The following ZNF280B variants were observed in gnomAD, a reference collection of about 807,000 sequenced individuals.
ZNF280B encodes the protein suppressor of hairy wing homolog 2.
In ZNF280B, 16 loss-of-function variants were observed where a neutral mutation model predicts 38.0. The ratio of observed to expected loss-of-function variants is 0.42; its 90% confidence interval spans 0.28 to 0.64. The LOEUF is 0.64. Ranked by LOEUF, ZNF280B falls within the 30% of genes least tolerant of loss-of-function variation. The probability of loss-of-function intolerance (pLI) is 0.21; values close to 1 mark genes in which losing one functional copy is unlikely to be tolerated. For missense variants in ZNF280B, 581 were observed against 639.6 expected (o/e 0.91, Z 0.99); for synonymous variants, 253 against 230.6 (o/e 1.10, Z -0.88).
At chr22:22,500,535 G>A (rs1232178804) in intron 2 of ZNF280B, among the ~76,000 whole-genome samples, 1 of 151,674 alleles carries the variant, frequency 6.6e-6, no homozygotes, top group Non-Finnish European at 1.5e-5. Context: ...CCTATATGAG[G>A]TAACTAAAAT....
intron 2 of ZNF280B, among the ~76,000 whole-genome samples, chr22:22,504,215 C>G (rs1258496613): frequency 6.6e-6 from 1 of 151,812 alleles, no homozygotes; most frequent in Non-Finnish European, 1.5e-5. Context: ...AGGTGGCTCA[C>G]GAGGCCAGGA....
intron 2 of ZNF280B, among the ~76,000 whole-genome samples, chr22:22,500,528 A>T (rs1443227309): frequency 6.6e-6 from 1 of 151,884 alleles, no homozygotes; most frequent in Non-Finnish European, 1.5e-5. Flanking sequence ...AATTCCACCT[A>T]TATGAGGTAA....
At chr22:22,503,530 C>T (rs1051000515) in intron 2 of ZNF280B, among the ~76,000 whole-genome samples, 2 of 151,880 alleles carry the variant, frequency 1.3e-5, no homozygotes, top group Admixed American at 6.6e-5. Flanking sequence ...GCTCATCTAG[C>T]GAACAAAAAG....
intron 2 of ZNF280B, among the ~76,000 whole-genome samples, chr22:22,499,218 C>T (rs1473393091): frequency 6.6e-6 from 1 of 151,836 alleles, no homozygotes; most frequent in Non-Finnish European, 1.5e-5. Flanking sequence ...AAGGATGGTT[C>T]ATTCTATGAA....
At position 22,508,641 on chromosome 22, in the gene ZNF280B, C is replaced by T. The variant is rs1475093988; in HGVS notation, c.-248+18G>A. On this transcript the variant is annotated intron_variant, in intron 1 of 3. Transcript: ENST00000626650. Reference sequence around the variant, plus strand: ...CCCCTCAGGGAACGCTGAAGCCGCGCCACGCCCCCGTCCTTACCAGTCCGG... The same window carrying T: ...CCCCTCAGGGAACGCTGAAGCCGCGTCACGCCCCCGTCCTTACCAGTCCGG... 6.6e-6 allele frequency: 1 copy of T among 152,062 alleles called. No homozygotes were observed. The highest frequency in any genetic ancestry group is 2.4e-5 in the African/African-American group (1 of 41,412). 9.4% of individuals were successfully genotyped at this position (152,062 alleles called of 1,614,324 possible). A position where few individuals can be genotyped will look rare whatever the true frequency, so the allele number is the denominator to read the frequency against.
At chr22:22,490,289 G>C (rs9611831) in intron 3 of ZNF280B, among the ~76,000 whole-genome samples, 16 of 151,638 alleles carry the variant, frequency 1.1e-4, no homozygotes, top group African/African-American at 3.9e-4. Context: ...AAGTCAGACT[G>C]TATCATTGTT....
intron 3 of ZNF280B, among the ~76,000 whole-genome samples, chr22:22,491,648 CG>C (rs2061599199): frequency 6.6e-6 from 1 of 151,522 alleles, no homozygotes; most frequent in Non-Finnish European, 1.5e-5. Flanking sequence ...TTAGTAGAGA[CG>C]GAGTTTCACT....
Position 22,492,268 on chromosome 22 carries a change from G to A in ZNF280B, c.-69+1795C>T, listed in dbSNP as rs543047852. On this transcript the variant is annotated intron_variant, in intron 3 of 3. Coordinates refer to ENST00000626650, the MANE Select transcript of ZNF280B (RefSeq NM_080764.4). Reference sequence around the variant, plus strand: ...TCTGGAGTCAACTAAAATTGGTTTAGTCTGTCTATATACAACTTCAATCGC... The same window carrying A: ...TCTGGAGTCAACTAAAATTGGTTTAATCTGTCTATATACAACTTCAATCGC... Among the ~76,000 whole-genome samples the A allele has an allele frequency of 2.0e-5, 3 of 152,012 alleles. 1 individual carries two copies. In the South Asian group the frequency reaches 6.2e-4, roughly 32 times the overall value.
rs1307165620 is a variant in ZNF280B at position 22,488,696 on chromosome 22, A to G, written c.703T>C (p.Phe235Leu). 7 of 1,613,770 alleles carry G rather than the reference A, an allele frequency of 4.3e-6. No individual in the cohort carries two copies. The highest frequency in any genetic ancestry group is 2.2e-5 in the South Asian group (2 of 91,074). ...TTGTCCTTTGGAAAAGCTGCTGGAAAAGGTGCTCCATTCTGAACATGGCTT... is the reference window on the plus strand; with the variant it reads ...TTGTCCTTTGGAAAAGCTGCTGGAAGAGGTGCTCCATTCTGAACATGGCTT... ...SLSHVQNGAPFPAAFPKDNIH... is the reference protein window; with the variant it reads ...SLSHVQNGAPLPAAFPKDNIH... Residue 235 changes from phenylalanine to leucine, a missense_variant, in exon 4 of 4, where the codon TTT (phenylalanine) becomes CTT (leucine). By Grantham distance (22) the Phe-to-Leu change is conservative (BLOSUM62 0). Coordinates refer to ENST00000626650, the MANE Select transcript of ZNF280B (RefSeq NM_080764.4).
At chr22:22,496,701 G>A (rs1050747431) in intron 2 of ZNF280B, among the ~76,000 whole-genome samples, 1 of 151,742 alleles carries the variant, frequency 6.6e-6, no homozygotes, top group Admixed American at 6.6e-5. Context: ...GGAAGATGGT[G>A]GGGATAGGTA....
intron 2 of ZNF280B, among the ~76,000 whole-genome samples, chr22:22,504,440 AC>A (rs755843008): frequency 4.0e-5 from 6 of 151,474 alleles, no homozygotes; most frequent in South Asian, 4.2e-4. Context: ...AAAAAAAAAA[AC>A]AAACAAACAA....
intron 2 of ZNF280B, among the ~76,000 whole-genome samples, chr22:22,500,103 G>A (rs1264858535): frequency 2.0e-5 from 3 of 151,868 alleles, no homozygotes; most frequent in East Asian, 2.0e-4. Flanking sequence ...AACATTGTTG[G>A]AAAGAAATTA....
chr22:22,494,477 T>C (rs1161176761), intron 2 of ZNF280B, among the ~76,000 whole-genome samples: 1 of 151,968 alleles, frequency 6.6e-6, no homozygotes, highest in East Asian at 2.0e-4. Context: ...GAGACCCTTC[T>C]CTACAAATGT....
At chr22:22,500,840 CAA>C (rs1569183236) in intron 2 of ZNF280B, among the ~76,000 whole-genome samples, 3 of 151,410 alleles carry the variant, frequency 2.0e-5, no homozygotes, top group South Asian at 2.1e-4. Context: ...GCCTAGGCGA[CAA>C]GAGAGAAACT....
At chr22:22,489,503 G>T in intron 3 of ZNF280B, 37 bp from the exon 4 acceptor site, 2 of 960,868 alleles carry the variant, frequency 2.1e-6, no homozygotes, top group Admixed American at 2.9e-5. Context: ...ACAGGAAAAT[G>T]CATTACCTTA....
Position 22,488,087 on chromosome 22 carries a change from G to A in ZNF280B, c.1312C>T (p.Leu438Phe), listed in dbSNP as rs764512962. 1.2e-6 allele frequency: 2 copies of A among 1,613,884 alleles called. No homozygotes were observed. The highest frequency in any genetic ancestry group is 2.2e-5 in the South Asian group (2 of 91,070). Reference protein sequence around the residue: ...NTKNLLCPFCLKIFKTATPYM... With the variant: ...NTKNLLCPFCFKIFKTATPYM... ...GGTGTTGCTGTTTTGAAAATTTTGA[G>A]ACAAAAGGGACAAAGCAAATTCTTT... The change falls in exon 4 of 4, where the codon CTC (leucine) becomes TTC (phenylalanine). Residue 438 changes from leucine to phenylalanine, a missense_variant. By Grantham distance (22) the Leu-to-Phe change is conservative. Coordinates refer to ENST00000626650, the MANE Select transcript of ZNF280B (RefSeq NM_080764.4).
chr22:22,505,832 T>C (rs1339704677), intron 2 of ZNF280B, among the ~76,000 whole-genome samples: 2 of 151,894 alleles, frequency 1.3e-5, no homozygotes, highest in Non-Finnish European at 2.9e-5. Context: ...GATGAGAGAT[T>C]ACTGGAAGGC....
chr22:22,488,768 T>C lies in ZNF280B; in HGVS notation c.631A>G (p.Met211Val), dbSNP rs754564691. 8.7e-6 allele frequency: 14 copies of C among 1,613,896 alleles called. No individual in the cohort carries two copies. The East Asian group carries it at 1.6e-4, about 18-fold the overall frequency. The change falls in exon 4 of 4, where the codon ATG becomes GTG. Residue 211 changes from methionine (M) to valine (V), a missense_variant. Coordinates refer to ENST00000626650, the MANE Select transcript of ZNF280B (RefSeq NM_080764.4). ...ASFPSDTFHT[M>V]NTQQSTPSNN... ...GAGGGTGTACTTTGCTGAGTATTCA[T>C]TGTATGAAAGGTATCTGAAGGGAAT...
At chr22:22,489,997 T>G (rs147816783) in intron 3 of ZNF280B, among the ~76,000 whole-genome samples, 10 of 151,940 alleles carry the variant, frequency 6.6e-5, no homozygotes, top group Non-Finnish European at 1.0e-4. Context: ...AATGAAAATA[T>G]CTCAATTGAT....
Sources: allele counts gnomAD v4.1 joint callset (sites outside exome capture counted in the v4.1 genomes callset), GRCh38; gene constraint gnomAD v4.1.1; transcripts MANE v1.5; gene names NCBI Gene and HGNC (gene_info 2026-07-23, HGNC 2026-07-21).